The following EAPP variants were observed in gnomAD, a reference collection of about 807,000 sequenced individuals.
EAPP encodes the protein E2F-associated phosphoprotein.
Under a neutral mutation model 34.3 loss-of-function variants are expected in EAPP, and 38 were observed. The observed-to-expected ratio is 1.11, with a 90% CI of 0.85 to 1.45. EAPP has a LOEUF of 1.45. Among genes scored for constraint, EAPP ranks in the 40% most tolerant of loss-of-function variants. The probability of loss-of-function intolerance (pLI) is 0.00; values close to 1 mark genes in which losing one functional copy is unlikely to be tolerated. For synonymous variants in EAPP, 113 were observed against 117.6 expected (o/e 0.96, Z 0.25); for missense variants, 338 against 343.7 (o/e 0.98, Z 0.13).
At chr14:34,519,598 T>A (rs1418744273) in intron 5 of EAPP, among the ~76,000 whole-genome samples, 2 of 152,108 alleles carry the variant, frequency 1.3e-5, no homozygotes, top group African/African-American at 4.8e-5. Flanking sequence ...TGTGGAATTA[T>A]GAGCCAATTA....
chr14:34,530,513 G>C (rs1044311373), intron 3 of EAPP, among the ~76,000 whole-genome samples: 2 of 152,082 alleles, frequency 1.3e-5, no homozygotes, highest in Non-Finnish European at 1.5e-5. Flanking sequence ...CTGGGTAAGA[G>C]TGAGACCTAT....
intron 5 of EAPP, among the ~76,000 whole-genome samples, chr14:34,520,367 G>A (rs1206505882): frequency 6.7e-6 from 1 of 150,084 alleles, no homozygotes; most frequent in Non-Finnish European, 1.5e-5. Flanking sequence ...GCGCCAACAC[G>A]CCCAGCTAAT....
intron 2 of EAPP, 135 bp from the exon 3 acceptor site, chr14:34,533,674 C>T (rs573944515): frequency 3.4e-6 from 2 of 589,074 alleles, no homozygotes; most frequent in Admixed American, 7.0e-5. Flanking sequence ...AATATTTTCA[C>T]ATCAGTGAAT....
Position 34,536,137 on chromosome 14 carries a change from A to T in EAPP, c.213T>A (p.Ser71=), listed in dbSNP as rs778260137. 2 of 1,612,582 alleles carry T rather than the reference A, an allele frequency of 1.2e-6. No homozygotes were observed. Among genetic ancestry groups the T allele is most frequent in the South Asian group, 2.2e-5 (2 of 90,438 alleles). The change falls in exon 2 of 6, where the codon TCT becomes TCA. Residue 71 remains serine, a synonymous_variant. Transcript: ENST00000250454. ...ACTTGTCCTCCATTGTTTTCATGGT[A>T]GAATTTAATTCAGCTTCCATCTCCT... is the stretch of plus-strand genomic sequence containing the variant. ...FEKEMEAELN[S]TMKTMEDKLS... is the part of the protein sequence containing the mutation.
chr14:34,530,804 A>G (rs1309983259), intron 3 of EAPP, among the ~76,000 whole-genome samples: 2 of 150,792 alleles, frequency 1.3e-5, no homozygotes, highest in Non-Finnish European at 3.0e-5. Flanking sequence ...ATGAGGTCAG[A>G]TACAGTGGCT....
chr14:34,521,549 CTT>C (rs1391798642), intron 5 of EAPP, among the ~76,000 whole-genome samples: 1 of 151,360 alleles, frequency 6.6e-6, no homozygotes, highest in East Asian at 1.9e-4. Context: ...CTCACTGATT[CTT>C]TCTTTTGCTG....
In EAPP at chr14:34,536,388, ATGTACT is replaced by A. The variant is rs1253863419; in HGVS notation, c.75-119_75-114del. 6 of 725,300 alleles carry A rather than the reference ATGTACT, an allele frequency of 8.3e-6. No individual in the cohort carries two copies. In the East Asian group the frequency reaches 1.8e-4, roughly 21 times the overall value. 44.9% of individuals were successfully genotyped at this position (725,300 alleles called of 1,614,324 possible). Reference sequence around the variant, plus strand: ...TTTAAGTATTACATGGTTACATTTGATGTACTTATACATTACATATAGCTATTCTCA... The same window carrying A: ...TTTAAGTATTACATGGTTACATTTGATATACATTACATATAGCTATTCTCA... On this transcript the variant is annotated intron_variant, in intron 1 of 5. Coordinates refer to ENST00000250454, the MANE Select transcript of EAPP (RefSeq NM_018453.4).
intron 5 of EAPP, among the ~76,000 whole-genome samples, chr14:34,517,256 T>C (rs1879769850): frequency 6.6e-6 from 1 of 150,644 alleles, no homozygotes; most frequent in Non-Finnish European, 1.5e-5. Flanking sequence ...TTCTTTTTTT[T>C]TTTTTTTTTG....
At position 34,536,253 on chromosome 14, in the gene EAPP, G is replaced by A. The variant is rs1880469602; in HGVS notation, c.97C>T (p.Leu33Phe). 3.7e-6 allele frequency: 6 copies of A among 1,609,748 alleles called. No individual in the cohort carries two copies. The Admixed American group carries it at 1.0e-4, about 27-fold the overall frequency. ...LSSSEDEVDV[L>F]LHGTPDQKRK... ...TTTTGGTCAGGAGTTCCATGTAAAA[G>A]CACATCCACTTCATCCTCAGAGCTA... The change falls in exon 2 of 6, where the codon CTT becomes TTT. Residue 33 changes from leucine to phenylalanine, a missense_variant. Physicochemically the swap from Leu to Phe is conservative, Grantham distance 22. Coordinates refer to ENST00000250454, the MANE Select transcript of EAPP (RefSeq NM_018453.4).
At chr14:34,526,349 A>G (rs1566447349) in intron 4 of EAPP, among the ~76,000 whole-genome samples, 1 of 151,626 alleles carries the variant, frequency 6.6e-6, no homozygotes, top group Non-Finnish European at 1.5e-5. Flanking sequence ...AACTGCTTGA[A>G]CCCAGGAGGT....
At chr14:34,522,420 T>C (rs981923779) in intron 5 of EAPP, among the ~76,000 whole-genome samples, 1 of 152,098 alleles carries the variant, frequency 6.6e-6, no homozygotes, top group Non-Finnish European at 1.5e-5. Context: ...GTGATAAGGG[T>C]TCACTTGATT....
At chr14:34,528,381 C>T (rs1880162384) in intron 4 of EAPP, among the ~76,000 whole-genome samples, 6 of 136,910 alleles carry the variant, frequency 4.4e-5, no homozygotes. Context: ...TTAAAAAGAA[C>T]AATTTGCTAA....
rs143098841 is a variant in EAPP, at chr14:34,529,230, C to G, written c.470+128G>C. ...ATAAACTACTGAGCAGTTTTTTCCT[C>G]TAACTTTTTTGTTTGTGTGTGTGTG... On this transcript the variant is annotated intron_variant, in intron 4 of 5. Transcript: ENST00000250454. 1.1e-3 allele frequency: 736 copies of G among 680,260 alleles called. 9 individuals carry two copies. The African/African-American group carries it at 0.013, about 12-fold the overall frequency. 42.1% of individuals were successfully genotyped at this position (680,260 alleles called of 1,614,324 possible).
chr14:34,539,382 C>A (rs1055194182), intron 1 of EAPP, 173 bp downstream of exon 1: 1 of 735,162 alleles, frequency 1.4e-6, no homozygotes, highest in Non-Finnish European at 2.4e-6. Context: ...ACCGCCTCCC[C>A]CCGGGACTGC....
chr14:34,522,601 G>A (rs529812952), intron 5 of EAPP, among the ~76,000 whole-genome samples: 1 of 152,202 alleles, frequency 6.6e-6, no homozygotes, highest in East Asian at 1.9e-4. Flanking sequence ...TTTGCAATTT[G>A]CATGTTGATA....
At chr14:34,519,107 C>G (rs1350794276) in intron 5 of EAPP, among the ~76,000 whole-genome samples, 1 of 152,114 alleles carries the variant, frequency 6.6e-6, no homozygotes, top group African/African-American at 2.4e-5. Context: ...AGACTTCCCC[C>G]TCGTGCTGCT....
At chr14:34,521,792 G>A (rs1265536940) in intron 5 of EAPP, among the ~76,000 whole-genome samples, 2 of 151,498 alleles carry the variant, frequency 1.3e-5, no homozygotes, top group Non-Finnish European at 2.9e-5. Context: ...ATGCCACCAC[G>A]CCCAGCTAAT....
intron 1 of EAPP, 66 bp downstream of exon 1, chr14:34,539,489 A>T (rs765609968): frequency 2.0e-6 from 3 of 1,538,186 alleles, no homozygotes; most frequent in Admixed American, 3.4e-5. Context: ...AGGCGCAACG[A>T]ATGGAGGCGA....
rs1350104774 is a variant in EAPP at position 34,533,517 on chromosome 14, T to C, written c.279A>G (p.Lys93=). ...AGTACCTTGTCGGAGCTGTTGCAACTTTTCCATTTCCTGAGGAAGATCCTA... is the reference window on the plus strand; with the variant it reads ...AGTACCTTGTCGGAGCTGTTGCAACCTTTCCATTTCCTGAGGAAGATCCTA... ...LGTGSSSGNG[K]VATAPTRYYD... is the part of the protein sequence containing the mutation. Residue 93 remains lysine, a synonymous_variant, in exon 3 of 6, where the codon AAA becomes AAG. Transcript: ENST00000250454. 5.7e-6 allele frequency: 9 copies of C among 1,591,760 alleles called. No homozygotes were observed. Among genetic ancestry groups the C allele is most frequent in the African/African-American group, 2.7e-5 (2 of 73,272 alleles).
Sources: allele counts gnomAD v4.1 joint callset (sites outside exome capture counted in the v4.1 genomes callset), GRCh38; gene constraint gnomAD v4.1.1; transcripts MANE v1.5; gene names NCBI Gene and HGNC (gene_info 2026-07-23, HGNC 2026-07-21).